TRIM32: variants seen among roughly 807,000 people sequenced by gnomAD.
The protein encoded by TRIM32 is tripartite motif containing 32.
In TRIM32, 19 loss-of-function variants were observed where a neutral mutation model predicts 36.0. That is an observed-to-expected ratio of 0.53 (90% CI 0.37 to 0.77). TRIM32 has a LOEUF of 0.77. Among genes scored for constraint, TRIM32 ranks in the 30% least tolerant of loss-of-function variants. TRIM32 has a pLI of 0.00. For synonymous variants in TRIM32, 309 were observed against 318.5 expected, an observed-to-expected ratio of 0.97 and a Z score of 0.32; for missense variants, 747 against 845.2, an observed-to-expected ratio of 0.88 and a Z score of 1.44.
chr9:116,690,795 C>T (rs1403772130), intron 1 of TRIM32, among the ~76,000 whole-genome samples: 1 of 152,148 alleles, frequency 6.6e-6, no homozygotes, highest in African/African-American at 2.4e-5. Context: ...ATCACACTTA[C>T]TTTACATGGT....
chr9:116,698,087 T>C lies in TRIM32; in HGVS notation c.345T>C (p.Cys115=), dbSNP rs1357329439. Residue 115 remains cysteine (C), a synonymous_variant, in exon 2 of 2, where the codon TGT becomes TGC. Transcript: ENST00000450136. The surrounding 1 kb of genome is among the most constrained non-coding windows in gnomAD (Gnocchi z 4.4). ...TGCCCCGGCAATTCTGCCGGAGCTG[T>C]GGTTTGGTGTTATGTGAGCCCTGCC... ...RRLPRQFCRS[C]GLVLCEPCRE... The C allele has an allele frequency of 1.9e-6, 3 of 1,613,988 alleles. No individual in the cohort carries two copies. Among genetic ancestry groups the C allele is most frequent in the Non-Finnish European group, 2.5e-6 (3 of 1,179,992 alleles).
intron 1 of TRIM32, chr9:116,697,439 T>C: frequency 2.6e-6 from 1 of 378,786 alleles, no homozygotes; most frequent in Non-Finnish European, 5.0e-6. Flanking sequence ...GCTAAGTAAG[T>C]GTCTGAGACT....
chr9:116,689,062 A>G (rs1248141668), intron 1 of TRIM32, among the ~76,000 whole-genome samples: 4 of 152,152 alleles, frequency 2.6e-5, no homozygotes, highest in Admixed American at 2.6e-4. Flanking sequence ...AACATTAAAC[A>G]TAATGTTTTA....
Position 116,699,824 on chromosome 9 carries a change from C to G in TRIM32, c.*120C>G. 2.3e-6 allele frequency: 3 copies of G among 1,332,182 alleles called. No individual in the cohort carries two copies. Among genetic ancestry groups the G allele is most frequent in the Non-Finnish European group, 3.2e-6 (3 of 950,896 alleles). 82.5% of individuals were successfully genotyped at this position (1,332,182 alleles called of 1,614,324 possible). A position where few individuals can be genotyped will look rare whatever the true frequency, so the allele number is the denominator to read the frequency against. ...ATGTCCTGATTCCAGCTGGGTAGTT[C>G]TAGAACTTCAGAAGCTCCATCTTTT... On this transcript the variant is annotated 3_prime_UTR_variant, in exon 2 of 2. Coordinates refer to ENST00000450136, the MANE Select transcript of TRIM32 (RefSeq NM_012210.4). This position sits in a 1 kb window ranked among gnomAD's most constrained non-coding sequence, Gnocchi z 4.2.
chr9:116,696,162 C>T (rs1860840648), intron 1 of TRIM32, among the ~76,000 whole-genome samples: 1 of 152,136 alleles, frequency 6.6e-6, no homozygotes, highest in African/African-American at 2.4e-5. Context: ...GAAAATGACG[C>T]TCAAAAATCT....
In TRIM32 at chr9:116,698,332, A is replaced by G. The variant is rs1860988255; in HGVS notation, c.590A>G (p.Asp197Gly). 4 of 1,614,046 alleles carry G rather than the reference A, an allele frequency of 2.5e-6. No homozygotes were observed. The highest frequency in any genetic ancestry group is 2.5e-6 in the Non-Finnish European group (3 of 1,180,054). Reference protein sequence around the residue: ...EYGHEERRVQDELARSRKFFT... With the variant: ...EYGHEERRVQGELARSRKFFT... ...GGGCATGAGGAGCGCAGGGTCCAGG[A>G]TGAGCTGGCTCGCTCTCGGAAGTTC... is the stretch of plus-strand genomic sequence containing the variant. Residue 197 changes from aspartate (D) to glycine (G), a missense_variant, in exon 2 of 2, where the codon GAT becomes GGT. By Grantham distance (94) the Asp-to-Gly change is moderately conservative (BLOSUM62 -1). Transcript: ENST00000450136. This position sits in a 1 kb window ranked among gnomAD's most constrained non-coding sequence, Gnocchi z 4.4.
rs1860924939 is a variant in TRIM32, at chr9:116,697,531, G to A, written c.-81-131G>A. 6 of 616,136 alleles carry A rather than the reference G, an allele frequency of 9.7e-6. No homozygotes were observed. The South Asian group carries it at 1.2e-4, about 12-fold the overall frequency. The allele number at this position is 616,136 out of a possible 1,614,324, so 38.2% of individuals were successfully genotyped here. Reference sequence around the variant, plus strand: ...TGTCACCCTCACGTGACATATAATAGACCTCAATAAAATAGTTGTTAAGTA... The same window carrying A: ...TGTCACCCTCACGTGACATATAATAAACCTCAATAAAATAGTTGTTAAGTA... On this transcript the variant is annotated intron_variant, in intron 1 of 1. Transcript: ENST00000450136.
chr9:116,689,575 C>T (rs1198402347), intron 1 of TRIM32, among the ~76,000 whole-genome samples: 1 of 152,176 alleles, frequency 6.6e-6, no homozygotes. Context: ...ATACCCAGAT[C>T]TCTGTAACTC....
chr9:116,692,475 T>C (rs959622645), intron 1 of TRIM32, among the ~76,000 whole-genome samples: 3 of 152,236 alleles, frequency 2.0e-5, no homozygotes, highest in African/African-American at 4.8e-5. Flanking sequence ...TTTACACACA[T>C]AATCTCATTT....
chr9:116,692,266 A>G (rs1182767638), intron 1 of TRIM32, among the ~76,000 whole-genome samples: 1 of 152,164 alleles, frequency 6.6e-6, no homozygotes, highest in Non-Finnish European at 1.5e-5. Context: ...AGGTAAAACA[A>G]TTTCTAGGAG....
Position 116,698,610 on chromosome 9 carries a change from C to G in TRIM32, c.868C>G (p.Gln290Glu), listed in dbSNP as rs1272966742. Reference protein sequence around the residue: ...LLKVGHVGPLQIGQAVKKPRT... With the variant: ...LLKVGHVGPLEIGQAVKKPRT... The stretch of plus-strand genomic sequence containing the variant: ...TAAGGTAGGTCATGTTGGCCCCCTC[C>G]AAATTGGACAAGCTGTTAAGAAGCC... Residue 290 changes from glutamine (Q) to glutamate (E), a missense_variant, in exon 2 of 2, where the codon CAA becomes GAA. Transcript: ENST00000450136. The surrounding 1 kb of genome is among the most constrained non-coding windows in gnomAD (Gnocchi z 4.4). 6.2e-7 allele frequency: 1 copy of G among 1,613,982 alleles called. No individual in the cohort carries two copies. The highest frequency in any genetic ancestry group is 8.5e-7 in the Non-Finnish European group (1 of 1,180,032).
chr9:116,689,492 A>G (rs1460454475), intron 1 of TRIM32, among the ~76,000 whole-genome samples: 1 of 152,186 alleles, frequency 6.6e-6, no homozygotes, highest in Non-Finnish European at 1.5e-5. Flanking sequence ...ATTCAGTTTT[A>G]CACATGAGGA....
chr9:116,694,920 A>C (rs180759209), intron 1 of TRIM32, among the ~76,000 whole-genome samples: 2 of 152,208 alleles, frequency 1.3e-5, no homozygotes, highest in African/African-American at 4.8e-5. Flanking sequence ...TATGGATTTG[A>C]GTCATAATGG....
chr9:116,694,627 ATTT>A (rs11340280), intron 1 of TRIM32, among the ~76,000 whole-genome samples: 2 of 128,026 alleles, frequency 1.6e-5, no homozygotes, highest in African/African-American at 3.0e-5. Flanking sequence ...CGCCCAGCTA[ATTT>A]TTTTTTTTTT....
At position 116,698,790 on chromosome 9, in the gene TRIM32, T is replaced by C; in HGVS notation, c.1048T>C (p.Ser350Pro). The C allele has an allele frequency of 2.5e-6, 4 of 1,614,108 alleles. No homozygotes were observed. Among genetic ancestry groups the C allele is most frequent in the Non-Finnish European group, 3.4e-6 (4 of 1,180,018 alleles). ...TAAACAGCGGGGTCCTGAGGCAGCC[T>C]CCAATATCCAGCAGTGCCTCTTTCT... ...PAKQRGPEAA[S>P]NIQQCLFLKK... Residue 350 changes from serine to proline, a missense_variant, in exon 2 of 2, where the codon TCC becomes CCC. Ser to Pro is a moderately conservative substitution (Grantham distance 74). Transcript: ENST00000450136. This position sits in a 1 kb window ranked among gnomAD's most constrained non-coding sequence, Gnocchi z 4.4.
chr9:116,697,657 T>C lies in TRIM32; in HGVS notation c.-81-5T>C. 5 of 1,551,812 alleles carry C rather than the reference T, an allele frequency of 3.2e-6. No individual in the cohort carries two copies. Among genetic ancestry groups the C allele is most frequent in the Admixed American group, 1.7e-5 (1 of 57,684 alleles). Reference sequence around the variant, plus strand: ...AAATGAATAATGGTTTCTTTTTCTCTTTAGCAGGAATTTGACCCTCTAGGG... The same window carrying C: ...AAATGAATAATGGTTTCTTTTTCTCCTTAGCAGGAATTTGACCCTCTAGGG... On this transcript the variant is annotated splice_region_variant and splice_polypyrimidine_tract_variant and intron_variant, in intron 1 of 1. Transcript: ENST00000450136.
In TRIM32 at chr9:116,691,927, A is replaced by G. The variant is rs1304459711; in HGVS notation, c.-82+4546A>G. ...AGTCAAACCAGGGGAGCGTGTCAAT[A>G]GTAGGATGGACCTTTATGTCTTGTG... On this transcript the variant is annotated intron_variant, in intron 1 of 1. Transcript: ENST00000450136. Among the ~76,000 whole-genome samples the G allele has an allele frequency of 2.0e-5, 3 of 152,244 alleles. No homozygotes were observed. In the South Asian group the frequency reaches 6.2e-4, roughly 31 times the overall value.
Position 116,698,673 on chromosome 9 carries a change from G to A in TRIM32, c.931G>A (p.Ala311Thr). The change falls in exon 2 of 2, where the codon GCC (alanine) becomes ACC (threonine). Residue 311 changes from alanine to threonine, a missense_variant. Physicochemically the swap from Ala to Thr is moderately conservative, Grantham distance 58. Coordinates refer to ENST00000450136, the MANE Select transcript of TRIM32 (RefSeq NM_012210.4). The surrounding 1 kb of genome is among the most constrained non-coding windows in gnomAD (Gnocchi z 4.4). ...CGTGGAAGATTCCTGGGCCATGGAG[G>A]CCACAGCGTCTGCTGCCTCTACCTC... ...VNVEDSWAME[A>T]TASAASTSVT... 6.2e-7 allele frequency: 1 copy of A among 1,614,160 alleles called. No homozygotes were observed.
intron 1 of TRIM32, among the ~76,000 whole-genome samples, chr9:116,697,019 C>T (rs1860895403): frequency 6.6e-6 from 1 of 150,756 alleles, no homozygotes; most frequent in Non-Finnish European, 1.5e-5. Context: ...CCTTTATCCT[C>T]ATTCCTTCAT....
Sources: allele counts gnomAD v4.1 joint callset (sites outside exome capture counted in the v4.1 genomes callset), GRCh38; gene constraint gnomAD v4.1.1; non-coding constraint Gnocchi (gnomAD v3.1); transcripts MANE v1.5; gene names NCBI Gene and HGNC (gene_info 2026-07-23, HGNC 2026-07-21).